CERS6: variants seen among roughly 807,000 people sequenced by gnomAD.
The protein encoded by CERS6 is LAG1 homolog, ceramide synthase 6.
In CERS6, 26 loss-of-function variants were observed where a neutral mutation model predicts 56.8. That is an observed-to-expected ratio of 0.46 (90% CI 0.34 to 0.63). The LOEUF (loss-of-function observed/expected upper bound fraction) is 0.63, where lower values mean the gene tolerates loss of function less well. Ranked by LOEUF, CERS6 falls within the 30% of genes least tolerant of loss-of-function variation. CERS6 has a pLI of 0.01. For missense variants in CERS6, 415 were observed against 467.5 expected (o/e 0.89, Z 1.04); for synonymous variants, 164 against 173.3 (o/e 0.95, Z 0.42).
chr2:168,709,466 C>G (rs1687035684), intron 6 of CERS6, among the ~76,000 whole-genome samples: 1 of 151,946 alleles, frequency 6.6e-6, no homozygotes, highest in African/African-American at 2.4e-5. Flanking sequence ...AAATAAAGGT[C>G]AACATTAGGG....
intron 1 of CERS6, among the ~76,000 whole-genome samples, chr2:168,494,256 C>T (rs1221601165): frequency 3.9e-5 from 6 of 152,254 alleles, no homozygotes; most frequent in Admixed American, 3.9e-4. Context: ...CTGTCTTGCT[C>T]CCTGGTAGAT....
chr2:168,709,781 A>T (rs942781126), intron 6 of CERS6, among the ~76,000 whole-genome samples: 4 of 152,180 alleles, frequency 2.6e-5, no homozygotes, highest in African/African-American at 9.6e-5. Flanking sequence ...AAATATAAGG[A>T]TGGAAGTTTT....
chr2:168,731,130 A>C (rs1440740400), intron 8 of CERS6, among the ~76,000 whole-genome samples: 1 of 152,144 alleles, frequency 6.6e-6, no homozygotes, highest in East Asian at 1.9e-4. Context: ...CATCTAATGA[A>C]ATGGAATTGT....
chr2:168,540,421 A>G (rs1289304693), intron 1 of CERS6, among the ~76,000 whole-genome samples: 1 of 152,258 alleles, frequency 6.6e-6, no homozygotes, highest in Non-Finnish European at 1.5e-5. Flanking sequence ...ACAGCAGGAC[A>G]GATGGAGTCC....
chr2:168,708,691 G>C (rs375651669), intron 6 of CERS6, among the ~76,000 whole-genome samples: 18 of 152,104 alleles, frequency 1.2e-4, no homozygotes, highest in African/African-American at 4.1e-4. Context: ...GAAGGGAGAA[G>C]AGCCTTTTTT....
At chr2:168,717,672 G>A (rs906449286) in intron 7 of CERS6, among the ~76,000 whole-genome samples, 200 bp from the exon 8 acceptor site, 2 of 152,130 alleles carry the variant, frequency 1.3e-5, no homozygotes, top group African/African-American at 4.8e-5. Flanking sequence ...GGCTAATGCT[G>A]CCTTTCACTC....
At chr2:168,681,171 C>A (rs1283528102) in intron 4 of CERS6, among the ~76,000 whole-genome samples, 1 of 152,178 alleles carries the variant, frequency 6.6e-6, no homozygotes, top group Non-Finnish European at 1.5e-5. Context: ...TGATGGGGAT[C>A]TTGGAAGGTG....
At chr2:168,725,163 GGGCCGGCAGGGCC>G (rs1434019805) in intron 8 of CERS6, among the ~76,000 whole-genome samples, 2 of 152,244 alleles carry the variant, frequency 1.3e-5, no homozygotes, top group Middle Eastern at 3.2e-3. Context: ...TCATTGCCCA[GGGCCGGCAGGGCC>G]GGCCGGCTGC....
rs537843529 is a variant in CERS6, at chr2:168,771,313, C to A, written c.*1651C>A. 12 of 152,128 alleles carry A rather than the reference C, an allele frequency of 7.9e-5. No homozygotes were observed. Among genetic ancestry groups the A allele is most frequent in the African/African-American group, 2.7e-4 (11 of 41,440 alleles). The allele number at this position is 152,128 out of a possible 1,614,324, so 9.4% of individuals were successfully genotyped here. On this transcript the variant is annotated 3_prime_UTR_variant, in exon 10 of 10. Coordinates refer to ENST00000305747, the MANE Select transcript of CERS6 (RefSeq NM_203463.3). ...TTAATAGTTAAAAGAATGTTCCCAA[C>A]CAAAAAATTCTTACCGTAATATTAT...
intron 4 of CERS6, among the ~76,000 whole-genome samples, chr2:168,680,028 A>G (rs891158816): frequency 6.6e-6 from 1 of 152,248 alleles, no homozygotes; most frequent in Admixed American, 6.5e-5. Flanking sequence ...TTTACGAACT[A>G]CGGCATTTTC....
At chr2:168,692,216 G>T (rs1046006511) in intron 5 of CERS6, among the ~76,000 whole-genome samples, 1 of 152,150 alleles carries the variant, frequency 6.6e-6, no homozygotes, top group Non-Finnish European at 1.5e-5. Context: ...GACACCAATA[G>T]CTTATTTTAC....
chr2:168,762,900 C>G (rs1235248233), intron 8 of CERS6, among the ~76,000 whole-genome samples: 1 of 52,896 alleles, frequency 1.9e-5, no homozygotes, highest in East Asian at 3.3e-3. Context: ...GAGACAAGGT[C>G]TCTCACTCTT....
chr2:168,710,722 G>A (rs2105383403), intron 6 of CERS6, among the ~76,000 whole-genome samples: 1 of 152,292 alleles, frequency 6.6e-6, no homozygotes, highest in African/African-American at 2.4e-5. Context: ...AATGACTTAA[G>A]AAAACCTTAG....
chr2:168,596,557 T>TCCC (rs1328134913), intron 3 of CERS6, among the ~76,000 whole-genome samples: 1 of 115,296 alleles, frequency 8.7e-6, no homozygotes, highest in African/African-American at 4.0e-5. Flanking sequence ...CCCCCCCCCT[T>TCCC]TTTTTTTTTT....
At chr2:168,651,461 A>G (rs1378294334) in intron 4 of CERS6, among the ~76,000 whole-genome samples, 4 of 152,360 alleles carry the variant, frequency 2.6e-5, no homozygotes, top group Admixed American at 2.6e-4. Context: ...GTTCGTTTTC[A>G]TACTTGCTGT....
At chr2:168,556,886 G>T (rs1695688398) in intron 2 of CERS6, among the ~76,000 whole-genome samples, 1 of 150,278 alleles carries the variant, frequency 6.7e-6, no homozygotes, top group Admixed American at 6.7e-5. Context: ...TGGGCATGGT[G>T]CTTCACACCT....
At chr2:168,757,846 A>C (rs2105454198) in intron 8 of CERS6, among the ~76,000 whole-genome samples, 1 of 152,310 alleles carries the variant, frequency 6.6e-6, no homozygotes, top group South Asian at 2.1e-4. Flanking sequence ...TGATATCAAC[A>C]CCAGTATTGT....
chr2:168,537,686 C>G (rs1336400261), intron 1 of CERS6, among the ~76,000 whole-genome samples: 2 of 152,098 alleles, frequency 1.3e-5, no homozygotes, highest in African/African-American at 4.8e-5. Context: ...CTTGAATCTC[C>G]TCCCGTATTT....
At chr2:168,764,036 CT>C (rs1444866894) in intron 8 of CERS6, among the ~76,000 whole-genome samples, 1 of 152,198 alleles carries the variant, frequency 6.6e-6, no homozygotes, top group African/African-American at 2.4e-5. Flanking sequence ...CATTCTAGTT[CT>C]GATGGTAGAT....
Sources: gnomAD v4.1 joint callset for allele counts (sites outside exome capture counted in the v4.1 genomes callset) on GRCh38, gnomAD v4.1.1 for gene constraint, MANE v1.5 for transcripts, NCBI Gene and HGNC (gene_info 2026-07-23, HGNC 2026-07-21) for gene names.